The following FAM135B variants were observed in gnomAD, a reference collection of about 807,000 sequenced individuals.
The protein encoded by FAM135B is family with sequence similarity 135 member B, also known as protein FAM135B.
A neutral mutation model predicts 127.7 loss-of-function variants in FAM135B; 43 were observed. The ratio of observed to expected loss-of-function variants is 0.34; its 90% CI spans 0.26 to 0.43. The LOEUF (loss-of-function observed/expected upper bound fraction) is 0.43, where lower values mean the gene tolerates loss of function less well. Among genes scored for constraint, FAM135B ranks in the 20% least tolerant of loss-of-function variants. The probability of loss-of-function intolerance (pLI) is 1.00; values close to 1 mark genes in which losing one functional copy is unlikely to be tolerated. For synonymous variants in FAM135B, 670 were observed against 665.1 expected (o/e 1.01, Z -0.11); for missense variants, 1,558 against 1,725.6 (o/e 0.90, Z 1.72).
chr8:138,208,842 A>G (rs1027902124), intron 7 of FAM135B, among the ~76,000 whole-genome samples: 1 of 152,184 alleles, frequency 6.6e-6, no homozygotes, highest in African/African-American at 2.4e-5. Flanking sequence ...GTCAATTCTT[A>G]TATTGCCAAG....
chr8:138,349,717 A>ACT (rs1280857372), intron 2 of FAM135B, among the ~76,000 whole-genome samples: 1 of 152,146 alleles, frequency 6.6e-6, no homozygotes, highest in Non-Finnish European at 1.5e-5. Context: ...GGACAGACAA[A>ACT]CTCTCAATAG....
chr8:138,298,569 G>GT (rs1825640262), intron 3 of FAM135B, among the ~76,000 whole-genome samples: 1 of 152,144 alleles, frequency 6.6e-6, no homozygotes, highest in Admixed American at 6.6e-5. Context: ...GAAGATAAGT[G>GT]TAAGAGGAAC....
Position 138,367,922 on chromosome 8 carries a change from T to C in FAM135B, c.62A>G (p.Asp21Gly). 1 of 1,611,470 alleles carries C rather than the reference T, an allele frequency of 6.2e-7. No individual in the cohort carries two copies. Among genetic ancestry groups the C allele is most frequent in the South Asian group, 1.1e-5 (1 of 91,000 alleles). Reference protein sequence around the residue: ...SVELHKFYNVDLFQRGYYQIR... With the variant: ...SVELHKFYNVGLFQRGYYQIR... ...GCATACTTACCCTCTCTGAAAGAGA[T>C]CCACATTATAAAATTTATGTAGCTC... Residue 21 changes from aspartate to glycine, a missense_variant, in exon 2 of 20, where the codon GAT (aspartate) becomes GGT (glycine). Transcript: ENST00000395297.
intron 3 of FAM135B, among the ~76,000 whole-genome samples, chr8:138,308,334 A>T (rs574631716): frequency 1.7e-4 from 26 of 152,332 alleles, no homozygotes; most frequent in African/African-American, 6.0e-4. Flanking sequence ...AAATGTCCCC[A>T]GCCTAGGCTG....
intron 10 of FAM135B, among the ~76,000 whole-genome samples, chr8:138,178,049 A>G (rs544963936): frequency 1.4e-4 from 22 of 152,194 alleles, no homozygotes; most frequent in Admixed American, 5.9e-4. Flanking sequence ...GTTCGAGACC[A>G]GTCTAGTCAA....
intron 2 of FAM135B, among the ~76,000 whole-genome samples, chr8:138,365,644 T>A (rs1226880821): frequency 6.6e-6 from 1 of 152,216 alleles, no homozygotes; most frequent in Non-Finnish European, 1.5e-5. Flanking sequence ...TTCCTGGTAT[T>A]TAGTATGCTT....
intron 1 of FAM135B, among the ~76,000 whole-genome samples, chr8:138,495,566 T>C (rs1815359056): frequency 6.6e-6 from 1 of 152,192 alleles, no homozygotes; most frequent in South Asian, 2.1e-4. Flanking sequence ...GGAAGAGCCC[T>C]TTCAAAGTCA....
intron 3 of FAM135B, among the ~76,000 whole-genome samples, chr8:138,302,752 A>G (rs1480897907): frequency 6.6e-6 from 1 of 152,112 alleles, no homozygotes; most frequent in Non-Finnish European, 1.5e-5. Context: ...TTGCCACACA[A>G]TCTCTCTGTC....
intron 18 of FAM135B, among the ~76,000 whole-genome samples, chr8:138,138,437 C>A (rs72721653): frequency 1.7e-3 from 258 of 152,334 alleles, no homozygotes; most frequent in Non-Finnish European, 2.7e-3. Flanking sequence ...CACTCGCCGA[C>A]TGGACATGGG....
At chr8:138,275,992 G>A (rs1490602980) in intron 3 of FAM135B, among the ~76,000 whole-genome samples, 1 of 152,162 alleles carries the variant, frequency 6.6e-6, no homozygotes, top group East Asian at 1.9e-4. Context: ...AGAGCAGTTA[G>A]CTCACTGAGG....
chr8:138,406,893 T>C (rs1833535868), intron 1 of FAM135B, among the ~76,000 whole-genome samples: 1 of 151,592 alleles, frequency 6.6e-6, no homozygotes, highest in South Asian at 2.1e-4. Context: ...CAACATAGTG[T>C]TGGAAGTTCT....
intron 13 of FAM135B, among the ~76,000 whole-genome samples, chr8:138,149,182 C>CA (rs1269374242): frequency 6.7e-6 from 1 of 149,870 alleles, no homozygotes; most frequent in African/African-American, 2.5e-5. Context: ...AAGAGAAAAC[C>CA]AAAAACAAAA....
rs1563992614 is a variant in FAM135B at position 138,426,034 on chromosome 8, CACACACACACACACACATATATATAT to C, written c.-19-58058_-19-58033del. Among the ~76,000 whole-genome samples the C allele has an allele frequency of 5.8e-5, 4 of 68,990 alleles. 1 individual carries two copies. The highest frequency in any genetic ancestry group is 3.1e-4 in the African/African-American group (4 of 13,068). The allele number at this position is 68,990 out of a possible 152,430, so 45.3% of individuals were successfully genotyped here. ...ATATACACACACATACATATACACACACACACACACACACACATATATATATACACACACACACATATATAAAATGT... is the reference window on the plus strand; with the variant it reads ...ATATACACACACATACATATACACACACACACACACACATATATAAAATGT... On this transcript the variant is annotated intron_variant, in intron 1 of 19. Coordinates refer to ENST00000395297, the MANE Select transcript of FAM135B (RefSeq NM_015912.4).
At chr8:138,351,666 A>ACATGCTT (rs1443637311) in intron 2 of FAM135B, among the ~76,000 whole-genome samples, 2 of 148,694 alleles carry the variant, frequency 1.3e-5, no homozygotes, top group Non-Finnish European at 3.0e-5. Context: ...ACAAATTCCT[A>ACATGCTT]CATGCTTAGG....
At chr8:138,143,887 G>A (rs77400872) in intron 15 of FAM135B, among the ~76,000 whole-genome samples, 2 of 152,310 alleles carry the variant, frequency 1.3e-5, no homozygotes, top group Non-Finnish European at 2.9e-5. Flanking sequence ...AGGAGTACGT[G>A]TTGGAGGATA....
chr8:138,231,909 TG>T (rs1326534545), intron 7 of FAM135B, among the ~76,000 whole-genome samples: 1 of 151,960 alleles, frequency 6.6e-6, no homozygotes. Flanking sequence ...GGTGGAAGAA[TG>T]GGGAAAGGAG....
intron 3 of FAM135B, among the ~76,000 whole-genome samples, chr8:138,296,068 T>C (rs1157464565): frequency 1.3e-5 from 2 of 152,200 alleles, no homozygotes; most frequent in Non-Finnish European, 1.5e-5. Context: ...AATGAATGCT[T>C]TTTAGTCTAT....
At chr8:138,398,212 C>T (rs548967055) in intron 1 of FAM135B, among the ~76,000 whole-genome samples, 1 of 152,270 alleles carries the variant, frequency 6.6e-6, no homozygotes, top group African/African-American at 2.4e-5. Flanking sequence ...AGTTATGGCA[C>T]CATGCGTGGG....
chr8:138,408,386 G>A (rs964207518), intron 1 of FAM135B, among the ~76,000 whole-genome samples: 3 of 152,148 alleles, frequency 2.0e-5, no homozygotes, highest in Non-Finnish European at 4.4e-5. Context: ...TAATGTTATA[G>A]AGATGGTTTC....
Sources: allele counts gnomAD v4.1 joint callset (sites outside exome capture counted in the v4.1 genomes callset), GRCh38; gene constraint gnomAD v4.1.1; transcripts MANE v1.5; gene names NCBI Gene and HGNC (gene_info 2026-07-23, HGNC 2026-07-21).